COG5: variants seen among roughly 807,000 people sequenced by gnomAD.
COG5 encodes the protein component of oligomeric golgi complex 5, also known as conserved oligomeric Golgi complex subunit 5.
In COG5, 86 loss-of-function variants were observed where a neutral mutation model predicts 110.4. The ratio of observed to expected loss-of-function variants is 0.78; its 90% confidence interval spans 0.65 to 0.93. The LOEUF is 0.93. Ranked by LOEUF, COG5 falls within the 40% of genes least tolerant of loss-of-function variation. The probability of loss-of-function intolerance (pLI) is 0.00; values close to 1 mark genes in which losing one functional copy is unlikely to be tolerated. For synonymous variants in COG5, 360 were observed against 334.6 expected (o/e 1.08, Z -0.83); for missense variants, 1,077 against 987.0 (o/e 1.09, Z -1.22).
intron 10 of COG5, among the ~76,000 whole-genome samples, chr7:107,352,360 T>G (rs1196240219): frequency 6.7e-6 from 1 of 150,080 alleles, no homozygotes; most frequent in Non-Finnish European, 1.5e-5. Flanking sequence ...AATTGACAAG[T>G]TAATGGGTGC....
At chr7:107,247,297 A>G (rs1243209480) in intron 17 of COG5, among the ~76,000 whole-genome samples, 1 of 152,186 alleles carries the variant, frequency 6.6e-6, no homozygotes, top group Non-Finnish European at 1.5e-5. Flanking sequence ...GTGATGAAAT[A>G]ATATGTACAA....
chr7:107,519,866 C>A (rs1196062369), intron 6 of COG5, among the ~76,000 whole-genome samples: 1 of 152,146 alleles, frequency 6.6e-6, no homozygotes, highest in Non-Finnish European at 1.5e-5. Context: ...GGCGAATATC[C>A]CTGATGAACA....
intron 1 of COG5, among the ~76,000 whole-genome samples, chr7:107,562,489 T>A (rs1054804980): frequency 1.3e-5 from 2 of 152,220 alleles, no homozygotes; most frequent in African/African-American, 4.8e-5. Context: ...TACTGCTATC[T>A]TACATCACTA....
chr7:107,409,398 A>C (rs1792111018), intron 7 of COG5, among the ~76,000 whole-genome samples: 1 of 152,050 alleles, frequency 6.6e-6, no homozygotes, highest in Admixed American at 6.5e-5. Flanking sequence ...AGATTACTGA[A>C]AGTAATCTAC....
chr7:107,522,404 G>A (rs1344621057), intron 6 of COG5, among the ~76,000 whole-genome samples: 1 of 152,188 alleles, frequency 6.6e-6, no homozygotes, highest in African/African-American at 2.4e-5. Flanking sequence ...GGAGGCGGAG[G>A]TTGCGGTGAG....
chr7:107,282,356 C>T (rs1322112759), intron 13 of COG5, among the ~76,000 whole-genome samples: 1 of 152,084 alleles, frequency 6.6e-6, no homozygotes, highest in African/African-American at 2.4e-5. Flanking sequence ...TCCTCTTTAA[C>T]ATTTACATAA....
intron 8 of COG5, among the ~76,000 whole-genome samples, chr7:107,366,755 G>C (rs61557716): frequency 0.1 from 15,941 of 151,994 alleles, 1,964 homozygotes; most frequent in African/African-American, 0.29. Flanking sequence ...TTCAGCTAAA[G>C]TAACTTTCTT....
At chr7:107,317,349 A>C (rs1269263310) in intron 11 of COG5, among the ~76,000 whole-genome samples, 1 of 152,174 alleles carries the variant, frequency 6.6e-6, no homozygotes, top group African/African-American at 2.4e-5. Context: ...ATAGACAGAG[A>C]ATTCCAGAGA....
At chr7:107,293,526 T>C (rs935451218) in intron 12 of COG5, among the ~76,000 whole-genome samples, 1 of 152,210 alleles carries the variant, frequency 6.6e-6, no homozygotes, top group Admixed American at 6.5e-5. Context: ...CTTGAATAGA[T>C]GTTTCTTCAT....
chr7:107,483,795 T>A (rs1797489419), intron 6 of COG5, among the ~76,000 whole-genome samples: 1 of 151,674 alleles, frequency 6.6e-6, no homozygotes, highest in Admixed American at 6.6e-5. Flanking sequence ...TGCCAAGTAA[T>A]ATATTCCAGA....
intron 11 of COG5, among the ~76,000 whole-genome samples, chr7:107,300,355 A>G (rs1807155720): frequency 6.6e-6 from 1 of 152,180 alleles, no homozygotes; most frequent in Non-Finnish European, 1.5e-5. Flanking sequence ...AAGTAAATAA[A>G]TAAGACATTC....
At chr7:107,386,705 T>C (rs1790235024) in intron 7 of COG5, among the ~76,000 whole-genome samples, 1 of 152,110 alleles carries the variant, frequency 6.6e-6, no homozygotes, top group Non-Finnish European at 1.5e-5. Context: ...ATGCAAACTG[T>C]TGTAACCCAA....
rs187843014 is a variant in COG5 at position 107,229,363 on chromosome 7, C to T, written c.2168+1252G>A. 2.3e-3 allele frequency among the ~76,000 whole-genome samples: 346 copies of T among 152,198 alleles called. 1 individual carries two copies. The highest frequency in any genetic ancestry group is 3.8e-3 in the Non-Finnish European group (256 of 68,010). ...ACTCAGGAGGCAGAGACAGGAGAAT[C>T]GCTTGAACCCGGGAGGTGGAAGTTG... On this transcript the variant is annotated intron_variant, in intron 19 of 21. Transcript: ENST00000297135.
chr7:107,503,077 A>G (rs1036007267), intron 6 of COG5, among the ~76,000 whole-genome samples: 2 of 152,140 alleles, frequency 1.3e-5, no homozygotes, highest in African/African-American at 4.8e-5. Flanking sequence ...TACTTTGTCT[A>G]GGCCAATGTC....
At chr7:107,355,627 A>C (rs960370753) in intron 10 of COG5, among the ~76,000 whole-genome samples, 2 of 152,254 alleles carry the variant, frequency 1.3e-5, no homozygotes, top group Non-Finnish European at 2.9e-5. Context: ...TAAGCCATTG[A>C]AGGAACCTTA....
intron 19 of COG5, 42 bp downstream of exon 19, chr7:107,230,573 G>A (rs751051966): frequency 1.4e-6 from 2 of 1,408,506 alleles, no homozygotes; most frequent in South Asian, 1.2e-5. Flanking sequence ...GGATTTATTT[G>A]CCTGGAGGAT....
chr7:107,318,702 T>C (rs1396295478), intron 11 of COG5, among the ~76,000 whole-genome samples: 1 of 151,992 alleles, frequency 6.6e-6, no homozygotes, highest in Non-Finnish European at 1.5e-5. Flanking sequence ...ACATAGAGAG[T>C]GAGTAAGCTC....
chr7:107,294,633 C>A (rs1460065040), intron 12 of COG5, among the ~76,000 whole-genome samples: 1 of 151,600 alleles, frequency 6.6e-6, no homozygotes, highest in Non-Finnish European at 1.5e-5. Flanking sequence ...CAATCTTAAA[C>A]ACTTCCCTTC....
intron 6 of COG5, among the ~76,000 whole-genome samples, chr7:107,428,424 G>A (rs563781311): frequency 1.3e-5 from 2 of 152,210 alleles, no homozygotes; most frequent in South Asian, 4.2e-4. Flanking sequence ...AGACCTAGGA[G>A]AAAGCCATGT....
Sources: allele counts gnomAD v4.1 joint callset (sites outside exome capture counted in the v4.1 genomes callset), GRCh38; gene constraint gnomAD v4.1.1; transcripts MANE v1.5; gene names NCBI Gene and HGNC (gene_info 2026-07-23, HGNC 2026-07-21).